Variants in HIPK2 observed in about 807,000 individuals in gnomAD.
HIPK2 encodes homeodomain interacting protein kinase 2, also known as homeodomain-interacting protein kinase 2.
HIPK2 carries 27 observed loss-of-function variants against 113.7 expected under a neutral mutation model. That is an observed-to-expected ratio of 0.24 (90% CI 0.17 to 0.33). HIPK2 has a LOEUF of 0.33. Among genes scored for constraint, HIPK2 ranks in the 10% least tolerant of loss-of-function variants. The pLI, the probability that HIPK2 is intolerant of heterozygous loss-of-function variation, is 1.00. For synonymous variants in HIPK2, 631 were observed against 642.2 expected, an observed-to-expected ratio of 0.98 and a Z score of 0.26; for missense variants, 1,257 against 1,588.0, an observed-to-expected ratio of 0.79 and a Z score of 3.54.
intron 2 of HIPK2, among the ~76,000 whole-genome samples, chr7:139,647,842 T>C (rs1354222226): frequency 6.6e-6 from 1 of 152,262 alleles, no homozygotes; most frequent in Non-Finnish European, 1.5e-5. Context: ...GTTTCTTTTT[T>C]GCCAAGGAAG....
At chr7:139,596,616 A>C in intron 12 of HIPK2, 101 bp downstream of exon 12, 8 of 1,477,576 alleles carry the variant, frequency 5.4e-6, no homozygotes, top group Non-Finnish European at 6.5e-6. Context: ...AAGGGTCAGA[A>C]GAGAGGGATC....
intron 2 of HIPK2, among the ~76,000 whole-genome samples, chr7:139,712,087 C>T (rs913587250): frequency 6.6e-6 from 1 of 152,190 alleles, no homozygotes; most frequent in African/African-American, 2.4e-5. Context: ...CACAGTAAAG[C>T]CTGAGAACCT....
At chr7:139,774,403 C>A (rs1362316764) in intron 1 of HIPK2, among the ~76,000 whole-genome samples, 1 of 152,186 alleles carries the variant, frequency 6.6e-6, no homozygotes. Flanking sequence ...AATTAAGGCA[C>A]CTTACTCACT....
At chr7:139,751,369 C>T (rs79125145) in intron 1 of HIPK2, among the ~76,000 whole-genome samples, 17,114 of 152,146 alleles carry the variant, frequency 0.11, 1,155 homozygotes, top group Non-Finnish European at 0.16. Flanking sequence ...TCCACCTCCC[C>T]TTTGTGTGAC....
At chr7:139,661,795 C>T (rs1011072010) in intron 2 of HIPK2, among the ~76,000 whole-genome samples, 1 of 152,200 alleles carries the variant, frequency 6.6e-6, no homozygotes, top group East Asian at 1.9e-4. Context: ...TGCATGCAGC[C>T]TGCAGGCTGG....
chr7:139,651,528 C>T (rs960927885), intron 2 of HIPK2, among the ~76,000 whole-genome samples: 5 of 152,184 alleles, frequency 3.3e-5, no homozygotes, highest in Non-Finnish European at 4.4e-5. Flanking sequence ...TGTGTGTCAC[C>T]AGATGCAGAC....
At chr7:139,615,338 T>C (rs1028525560) in intron 7 of HIPK2, among the ~76,000 whole-genome samples, 6 of 152,210 alleles carry the variant, frequency 3.9e-5, no homozygotes, top group Non-Finnish European at 8.8e-5. Context: ...CATGCATTCA[T>C]GTTGGTATGC....
At chr7:139,697,151 A>C (rs1377756677) in intron 2 of HIPK2, among the ~76,000 whole-genome samples, 1 of 152,048 alleles carries the variant, frequency 6.6e-6, no homozygotes, top group Non-Finnish European at 1.5e-5. Context: ...AGACAGAGAG[A>C]GCACCCAGAG....
chr7:139,646,749 G>C (rs546277370), intron 2 of HIPK2, among the ~76,000 whole-genome samples: 1 of 152,268 alleles, frequency 6.6e-6, no homozygotes, highest in Admixed American at 6.5e-5. Flanking sequence ...TATGGAATCA[G>C]GGAGCTGTCA....
chr7:139,623,403 G>A (rs1464800577), intron 6 of HIPK2, among the ~76,000 whole-genome samples: 3 of 151,708 alleles, frequency 2.0e-5, no homozygotes, highest in Non-Finnish European at 4.4e-5. Flanking sequence ...CCAGCTACTC[G>A]GGAGGCTGAG....
intron 2 of HIPK2, among the ~76,000 whole-genome samples, chr7:139,688,483 G>A (rs1323934056): frequency 2.6e-5 from 4 of 152,214 alleles, no homozygotes; most frequent in African/African-American, 9.6e-5. Flanking sequence ...CAACTCTAGA[G>A]TCTGGGCCAA....
At chr7:139,625,856 A>C (rs1466762743) in intron 6 of HIPK2, among the ~76,000 whole-genome samples, 1 of 152,194 alleles carries the variant, frequency 6.6e-6, no homozygotes, top group African/African-American at 2.4e-5. Context: ...CACGCTGAAG[A>C]AATGAATGAA....
chr7:139,686,437 CTTGAA>C lies in HIPK2; in HGVS notation c.1103+29490_1103+29494del, dbSNP rs142512100. Among the ~76,000 whole-genome samples, 804 of 152,306 alleles carry C rather than the reference CTTGAA, an allele frequency of 5.3e-3. 9 individuals carry two copies. Among genetic ancestry groups the C allele is most frequent in the African/African-American group, 0.018 (762 of 41,560 alleles). ...GGCTGTGTCCCCACCCAAATCTCAT[CTTGAA>C]TTGTAGTTCCCATCATCCCCAAGTG... On this transcript the variant is annotated intron_variant, in intron 2 of 14. Transcript: ENST00000406875.
At chr7:139,632,587 T>A (rs1800655464) in intron 2 of HIPK2, among the ~76,000 whole-genome samples, 1 of 152,184 alleles carries the variant, frequency 6.6e-6, no homozygotes, top group Non-Finnish European at 1.5e-5. Context: ...TGTTCCTGAA[T>A]GCAGGAGTTC....
intron 2 of HIPK2, among the ~76,000 whole-genome samples, chr7:139,690,201 T>C (rs966587139): frequency 1.3e-5 from 2 of 151,778 alleles, no homozygotes; most frequent in East Asian, 3.9e-4. Flanking sequence ...ACTACGTCAG[T>C]GTAAAGGGGT....
chr7:139,760,929 T>A (rs1796451686), intron 1 of HIPK2, among the ~76,000 whole-genome samples: 1 of 152,204 alleles, frequency 6.6e-6, no homozygotes, highest in South Asian at 2.1e-4. Context: ...TTATAGAAGT[T>A]CTGTCAAAAG....
chr7:139,642,815 C>T (rs1033290605), intron 2 of HIPK2, among the ~76,000 whole-genome samples: 1 of 152,180 alleles, frequency 6.6e-6, no homozygotes, highest in Non-Finnish European at 1.5e-5. Context: ...TTCCACGGAG[C>T]CATCCTTGGA....
rs762809580 is a variant in HIPK2 at position 139,631,281 on chromosome 7, G to A, written c.1231C>T (p.Arg411Trp). ...YPGASEYDQI[R>W]YISQTQGLPA... ...AAACCCTGTGTTTGTGAAATATACC[G>A]AATCTGCAAGAAAAGATAAGAATGA... Residue 411 changes from arginine to tryptophan, a missense_variant, in exon 4 of 15, where the codon CGG (arginine) becomes TGG (tryptophan). Arg to Trp is a moderately radical substitution (Grantham distance 101, BLOSUM62 -3). Transcript: ENST00000406875. The surrounding 1 kb of genome is among the most constrained non-coding windows in gnomAD (Gnocchi z 4.9). 4.3e-6 allele frequency: 7 copies of A among 1,610,270 alleles called. No individual in the cohort carries two copies. Among genetic ancestry groups the A allele is most frequent in the Non-Finnish European group, 3.4e-6 (4 of 1,178,106 alleles).
Position 139,751,296 on chromosome 7 carries a change from C to T in HIPK2, c.19+26309G>A, listed in dbSNP as rs116092650. Reference sequence around the variant, plus strand: ...CCTTCCTAATAGCCATTCCCTCTTTCTCTTCTGGAGAGACAGGATTTAGTT... The same window carrying T: ...CCTTCCTAATAGCCATTCCCTCTTTTTCTTCTGGAGAGACAGGATTTAGTT... On this transcript the variant is annotated intron_variant, in intron 1 of 14. Coordinates refer to ENST00000406875, the MANE Select transcript of HIPK2 (RefSeq NM_022740.5). 6.7e-3 allele frequency among the ~76,000 whole-genome samples: 1,016 copies of T among 152,246 alleles called. 7 individuals carry two copies. Among genetic ancestry groups the T allele is most frequent in the African/African-American group, 0.022 (932 of 41,548 alleles).
Sources: gnomAD v4.1 joint callset for allele counts (sites outside exome capture counted in the v4.1 genomes callset) on GRCh38, gnomAD v4.1.1 for gene constraint, Gnocchi (gnomAD v3.1) non-coding constraint, MANE v1.5 for transcripts, NCBI Gene and HGNC (gene_info 2026-07-23, HGNC 2026-07-21) for gene names.